The following PHACTR1 variants were observed in gnomAD, a reference collection of about 807,000 sequenced individuals.
PHACTR1 encodes the protein phosphatase and actin regulator 1.
PHACTR1 carries 16 observed loss-of-function variants against 69.2 expected under a neutral mutation model. The observed-to-expected ratio is 0.23, with a 90% confidence interval of 0.16 to 0.35. PHACTR1 has a LOEUF of 0.35. PHACTR1 is among the 10% of genes least tolerant of loss of function. PHACTR1 has a pLI of 1.00. For missense variants in PHACTR1, 510 were observed against 734.7 expected (o/e 0.69, Z 3.54); for synonymous variants, 312 against 284.5 (o/e 1.10, Z -0.97).
At chr6:13,193,357 G>GTATATATATA (rs56305254) in intron 7 of PHACTR1, among the ~76,000 whole-genome samples, 1,739 of 67,964 alleles carry the variant, frequency 0.026, 131 homozygotes, top group African/African-American at 0.058. Context: ...AGCTCTCTGT[G>GTATATATATA]TATATATATA....
chr6:13,023,130 A>G (rs1329782728), intron 4 of PHACTR1, among the ~76,000 whole-genome samples: 3 of 152,234 alleles, frequency 2.0e-5, no homozygotes, highest in Admixed American at 6.5e-5. Flanking sequence ...GTCCAATTAC[A>G]TATCTGTGTC....
intron 4 of PHACTR1, among the ~76,000 whole-genome samples, chr6:12,764,923 G>A (rs1768430646): frequency 6.6e-6 from 1 of 152,170 alleles, no homozygotes; most frequent in Admixed American, 6.5e-5. Flanking sequence ...AAGAAGAAAA[G>A]TGTGGATTGG....
intron 10 of PHACTR1, among the ~76,000 whole-genome samples, chr6:13,250,965 A>G (rs1269488764): frequency 2.0e-5 from 3 of 152,166 alleles, no homozygotes. Flanking sequence ...AATCCTCTAC[A>G]TGACACTTAT....
intron 4 of PHACTR1, among the ~76,000 whole-genome samples, chr6:12,991,377 A>G (rs1341199004): frequency 1.3e-5 from 2 of 152,162 alleles, no homozygotes; most frequent in Non-Finnish European, 2.9e-5. Flanking sequence ...GGACTGCCCC[A>G]TACTGGAAAA....
intron 6 of PHACTR1, among the ~76,000 whole-genome samples, chr6:13,163,602 T>C (rs142784190): frequency 2.3e-3 from 352 of 152,344 alleles, no homozygotes; most frequent in African/African-American, 8.0e-3. Context: ...GTGTTTTCTA[T>C]GGGATTTTCT....
intron 4 of PHACTR1, among the ~76,000 whole-genome samples, chr6:12,939,653 A>G (rs968059997): frequency 5.3e-5 from 8 of 152,090 alleles, no homozygotes; most frequent in Non-Finnish European, 1.2e-4. Context: ...GGAATTCTAC[A>G]TCTCAGAGCT....
intron 5 of PHACTR1, among the ~76,000 whole-genome samples, chr6:13,082,339 A>G (rs1811530285): frequency 6.6e-6 from 1 of 152,200 alleles, no homozygotes; most frequent in Non-Finnish European, 1.5e-5. Context: ...GCTGAAGGCA[A>G]ATACCATTAG....
intron 5 of PHACTR1, among the ~76,000 whole-genome samples, chr6:13,070,844 A>G (rs6933226): frequency 0.022 from 3,373 of 152,240 alleles, 132 homozygotes; most frequent in African/African-American, 0.076. Flanking sequence ...GCAACCAAAA[A>G]AAAACAAGGT....
At chr6:13,208,826 G>A (rs926718229) in intron 8 of PHACTR1, among the ~76,000 whole-genome samples, 3 of 152,104 alleles carry the variant, frequency 2.0e-5, no homozygotes, top group Admixed American at 6.5e-5. Flanking sequence ...GGGTATTTGC[G>A]GGATATTTCA....
At chr6:13,190,932 G>A (rs1243140408) in intron 7 of PHACTR1, among the ~76,000 whole-genome samples, 2 of 152,102 alleles carry the variant, frequency 1.3e-5, no homozygotes, top group African/African-American at 2.4e-5. Flanking sequence ...GTGTACCTGT[G>A]TAACAAGAAT....
chr6:12,872,447 G>GAC (rs149448224), intron 4 of PHACTR1, among the ~76,000 whole-genome samples: 4 of 151,692 alleles, frequency 2.6e-5, no homozygotes, highest in East Asian at 1.9e-4. Context: ...CAAACACACA[G>GAC]ACACACACAC....
chr6:12,806,431 C>G (rs1455395697), intron 4 of PHACTR1, among the ~76,000 whole-genome samples: 1 of 152,088 alleles, frequency 6.6e-6, no homozygotes, highest in Non-Finnish European at 1.5e-5. Context: ...GTCACAAAAT[C>G]CTAATTCAGG....
chr6:12,743,347 T>C (rs1018184026), intron 3 of PHACTR1, among the ~76,000 whole-genome samples: 3 of 152,174 alleles, frequency 2.0e-5, no homozygotes, highest in African/African-American at 7.2e-5. Context: ...AAGTAAACCT[T>C]AGTCTTATAC....
In PHACTR1 at chr6:12,928,187, G is replaced by A. The variant is rs75283735; in HGVS notation, c.251-125178G>A. Among the ~76,000 whole-genome samples the A allele has an allele frequency of 7.9e-3, 1,205 of 152,200 alleles. 20 individuals carry two copies. The highest frequency in any genetic ancestry group is 0.027 in the African/African-American group (1,113 of 41,522). On this transcript the variant is annotated intron_variant, in intron 4 of 14. Transcript: ENST00000332995. ...CATTAACACGTAGAACAGGAGATGC[G>A]GCAGACACCTCCTGAGAGAAAGGCC...
intron 4 of PHACTR1, among the ~76,000 whole-genome samples, chr6:12,872,897 C>T (rs1245505025): frequency 1.3e-5 from 2 of 152,068 alleles, no homozygotes; most frequent in Non-Finnish European, 2.9e-5. Flanking sequence ...TCCTTCCTTA[C>T]ATCAATTATT....
chr6:13,083,204 C>A (rs1345182177), intron 5 of PHACTR1, among the ~76,000 whole-genome samples: 3 of 152,158 alleles, frequency 2.0e-5, no homozygotes, highest in African/African-American at 7.2e-5. Context: ...AATAGGGAAT[C>A]CTTTCCCCAT....
rs957495903 is a variant in PHACTR1, at chr6:13,179,635, A to G, written c.497-2884A>G. 4.6e-5 allele frequency among the ~76,000 whole-genome samples: 7 copies of G among 152,176 alleles called. No individual in the cohort carries two copies. The highest frequency in any genetic ancestry group is 3.9e-4 in the Admixed American group (6 of 15,282). ...TTCTACTAGATATGTATACACATAT[A>G]TGGATGGATGGGTGGTTGATAGGTA... On this transcript the variant is annotated intron_variant, in intron 6 of 14. Transcript: ENST00000332995. This position sits in a 1 kb window ranked among gnomAD's most constrained non-coding sequence, Gnocchi z 4.2.
At chr6:13,190,196 G>GTTTTTTTT (rs1220683843) in intron 7 of PHACTR1, among the ~76,000 whole-genome samples, 1,282 of 31,672 alleles carry the variant, frequency 0.04, 54 homozygotes, top group East Asian at 0.18. Flanking sequence ...GCTAATTTTT[G>GTTTTTTTT]TATTTTTTTT....
intron 4 of PHACTR1, among the ~76,000 whole-genome samples, chr6:12,869,042 C>T (rs1158462485): frequency 6.6e-6 from 1 of 152,086 alleles, no homozygotes; most frequent in Non-Finnish European, 1.5e-5. Context: ...CAAAGTTCAA[C>T]ATACTCTTCT....
Sources: allele counts gnomAD v4.1 joint callset (sites outside exome capture counted in the v4.1 genomes callset), GRCh38; gene constraint gnomAD v4.1.1; non-coding constraint Gnocchi (gnomAD v3.1); transcripts MANE v1.5; gene names NCBI Gene and HGNC (gene_info 2026-07-23, HGNC 2026-07-21).